Variants in EPS8L1 observed in about 807,000 individuals in gnomAD.
EPS8L1 encodes the protein EPS8 signaling adaptor L1.
Under a neutral mutation model 91.7 loss-of-function variants are expected in EPS8L1, and 101 were observed. The observed-to-expected ratio is 1.10, with a 90% confidence interval of 0.94 to 1.30. EPS8L1 has a LOEUF of 1.30. EPS8L1 is among the 50% of genes most tolerant of loss of function. The probability of loss-of-function intolerance (pLI) is 0.00; values close to 1 mark genes in which losing one functional copy is unlikely to be tolerated. For synonymous variants in EPS8L1, 506 were observed against 445.3 expected (o/e 1.14, Z -1.72); for missense variants, 1,114 against 1,017.0 (o/e 1.10, Z -1.30).
intron 4 of EPS8L1, chr19:55,079,454 C>G (rs1330003929): frequency 1.2e-5 from 7 of 600,034 alleles, no homozygotes; most frequent in Admixed American, 3.1e-5. Context: ...CAGACTCCTT[C>G]CCTGCCCGCA....
chr19:55,087,558 G>C lies in EPS8L1; in HGVS notation c.2116G>C (p.Val706Leu). Residue 706 changes from valine (V) to leucine (L), a missense_variant, in exon 20 of 20, where the codon GTG becomes CTG. Coordinates refer to ENST00000201647, the MANE Select transcript of EPS8L1 (RefSeq NM_133180.3). Reference protein sequence around the residue: ...DKEKVSELEAVMEKQKKKVEG... With the variant: ...DKEKVSELEALMEKQKKKVEG... ...AGAGAAAGTGTCAGAGCTGGAGGCAGTGATGGAGAAGCAAAAGAAGAAGGT... is the reference window on the plus strand; with the variant it reads ...AGAGAAAGTGTCAGAGCTGGAGGCACTGATGGAGAAGCAAAAGAAGAAGGT... 1 of 1,614,210 alleles carries C rather than the reference G, an allele frequency of 6.2e-7. No individual in the cohort carries two copies. The highest frequency in any genetic ancestry group is 1.3e-5 in the African/African-American group (1 of 75,060).
In EPS8L1 at chr19:55,081,427, T is replaced by C. The variant is rs767848686; in HGVS notation, c.709T>C (p.Ser237Pro). ...EPVGTSSNAD[S>P]ASPDLGPRGP... ...GGTGGGGACCTCGAGCAACGCTGAC[T>C]CGGCCTCCCCGGACCTGGGTCCCCG... Residue 237 changes from serine (S) to proline (P), a missense_variant, in exon 8 of 20, where the codon TCG (serine) becomes CCG (proline). Physicochemically the swap from Ser to Pro is moderately conservative, Grantham distance 74 (BLOSUM62 -1). Transcript: ENST00000201647. This position sits in a 1 kb window ranked among gnomAD's most constrained non-coding sequence, Gnocchi z 4.9. 12 of 1,601,444 alleles carry C rather than the reference T, an allele frequency of 7.5e-6. No individual in the cohort carries two copies. The highest frequency in any genetic ancestry group is 1.0e-5 in the Non-Finnish European group (12 of 1,175,374).
chr19:55,084,229 T>C (rs918172931), intron 14 of EPS8L1: 1 of 169,662 alleles, frequency 5.9e-6, no homozygotes, highest in Non-Finnish European at 1.3e-5. Context: ...CTCTTGGTTT[T>C]CCAGAGGCTC....
rs2076367176 is a variant in EPS8L1, at chr19:55,087,600, A to G, written c.2158A>G (p.Met720Val). ...GAAGAAGGTGGAAGGCGAGGTGGAA[A>G]TGGAGGTCATTTGACCTGCCAGGCG... is the stretch of plus-strand genomic sequence containing the variant. ...QKKKVEGEVE[M>V]EVI Residue 720 changes from methionine (M) to valine (V), a missense_variant, in exon 20 of 20, where the codon ATG becomes GTG. Physicochemically the swap from Met to Val is conservative, Grantham distance 21. Transcript: ENST00000201647. The G allele has an allele frequency of 1.2e-6, 2 of 1,614,142 alleles. No individual in the cohort carries two copies. The highest frequency in any genetic ancestry group is 4.5e-5 in the East Asian group (2 of 44,884).
chr19:55,078,019 C>T, intron 2 of EPS8L1, 69 bp from the exon 3 acceptor site: 1 of 1,472,952 alleles, frequency 6.8e-7, no homozygotes, highest in South Asian at 1.2e-5. Flanking sequence ...CCCTTGCTGC[C>T]CTGCTTGGCA....
rs1167642021 is a variant in EPS8L1, at chr19:55,081,636, G to A, written c.775-137G>A. 5 of 507,560 alleles carry A rather than the reference G, an allele frequency of 9.9e-6. No individual in the cohort carries two copies. Among genetic ancestry groups the A allele is most frequent in the East Asian group, 6.0e-5 (1 of 16,770 alleles). The allele number at this position is 507,560 out of a possible 1,614,324, so 31.4% of individuals were successfully genotyped here. A position where few individuals can be genotyped will look rare whatever the true frequency, so the allele number is the denominator to read the frequency against. On this transcript the variant is annotated intron_variant, in intron 8 of 19. Transcript: ENST00000201647. The surrounding 1 kb of genome is among the most constrained non-coding windows in gnomAD (Gnocchi z 4.9). Reference sequence around the variant, plus strand: ...GAAGAGGGGCTGGGTCGGGGGCGGGGCTTGGTTGTGGGGCGTGGCCAGGTG... The same window carrying A: ...GAAGAGGGGCTGGGTCGGGGGCGGGACTTGGTTGTGGGGCGTGGCCAGGTG...
rs745367682 is a variant in EPS8L1 at position 55,086,449 on chromosome 19, C to CGGCCCCGCTGGGACA, written c.1725_1739dup (p.Arg575_Asp579dup). On this transcript the variant is annotated inframe_insertion, in exon 17 of 20. Transcript: ENST00000201647. The stretch of plus-strand genomic sequence containing the variant: ...CCCGGCCCCACCTCCAGCTCTGGCT[C>CGGCCCCGCTGGGACA]GGCCCCGCTGGGACAGGCCCCGCTG... The CGGCCCCGCTGGGACA allele has an allele frequency of 4.8e-5, 75 of 1,553,526 alleles. No homozygotes were observed. Among genetic ancestry groups the CGGCCCCGCTGGGACA allele is most frequent in the African/African-American group, 1.9e-4 (14 of 73,378 alleles).
chr19:55,085,791 G>A (rs1383564635), intron 14 of EPS8L1, 50 bp from the exon 15 acceptor site: 3 of 1,585,678 alleles, frequency 1.9e-6, no homozygotes, highest in South Asian at 1.1e-5. Context: ...GCAGCCCAGA[G>A]CAATGGGGCT....
At position 55,082,121 on chromosome 19, in the gene EPS8L1, C is replaced by A. The variant is rs148596546; in HGVS notation, c.931C>A (p.Pro311Thr). ...EGLLTLRAKP[P>T]SEAEYTDVLQ... ...CTTGCTGACGCTGCGGGCCAAGCCG[C>A]CCTCGGAGGCCGAGTACACCGACGT... is the stretch of plus-strand genomic sequence containing the variant. Residue 311 changes from proline (P) to threonine (T), a missense_variant, in exon 10 of 20, where the codon CCC (proline) becomes ACC (threonine). Pro to Thr is a conservative substitution (Grantham distance 38). Transcript: ENST00000201647. 6.2e-7 allele frequency: 1 copy of A among 1,601,926 alleles called. No homozygotes were observed. The highest frequency in any genetic ancestry group is 8.5e-7 in the Non-Finnish European group (1 of 1,174,828).
intron 2 of EPS8L1, among the ~76,000 whole-genome samples, chr19:55,076,838 T>C (rs2076143415): frequency 6.6e-6 from 1 of 152,218 alleles, no homozygotes; most frequent in Non-Finnish European, 1.5e-5. Flanking sequence ...GCTCAACTCA[T>C]AGGAGTCGCT....
intron 2 of EPS8L1, 152 bp from the exon 3 acceptor site, chr19:55,077,936 A>C (rs2076163840): frequency 5.9e-6 from 1 of 169,222 alleles, no homozygotes; most frequent in Admixed American, 1.0e-4. Flanking sequence ...CCTGCTCAAT[A>C]ATAATAATAA....
chr19:55,083,622 G>T lies in EPS8L1; in HGVS notation c.1363G>T (p.Ala455Ser). 1 of 1,596,036 alleles carries T rather than the reference G, an allele frequency of 6.3e-7. No homozygotes were observed. Among genetic ancestry groups the T allele is most frequent in the Non-Finnish European group, 8.5e-7 (1 of 1,171,870 alleles). Reference protein sequence around the residue: ...QHERRRRQQSAPQVAVNGHRD... With the variant: ...QHERRRRQQSSPQVAVNGHRD... Reference sequence around the variant, plus strand: ...ACTGTCTTACTTCCTACAGCAAAGCGCCCCCCAGGTCGCTGTCAATGGGTG... The same window carrying T: ...ACTGTCTTACTTCCTACAGCAAAGCTCCCCCCAGGTCGCTGTCAATGGGTG... The change falls in exon 14 of 20, where the codon GCC (alanine) becomes TCC (serine). Residue 455 changes from alanine to serine, a missense_variant. By Grantham distance (99) the Ala-to-Ser change is moderately conservative (BLOSUM62 1). Coordinates refer to ENST00000201647, the MANE Select transcript of EPS8L1 (RefSeq NM_133180.3). The surrounding 1 kb of genome is among the most constrained non-coding windows in gnomAD (Gnocchi z 4.7).
chr19:55,079,498 G>A (rs1393375384), intron 4 of EPS8L1, 192 bp from the exon 5 acceptor site: 9 of 664,706 alleles, frequency 1.4e-5, no homozygotes, highest in Non-Finnish European at 2.0e-5. Flanking sequence ...CCAGACTCAG[G>A]TGCTAGTCAC....
Position 55,082,550 on chromosome 19 carries a change from C to T in EPS8L1, c.1162C>T (p.Pro388Ser). ...AVALLRDNVT[P>S]RENELWTSLG... ...GGCGCTGCTGCGGGACAACGTCACT[C>T]CACGTGAAAACGAGCTCTGGACCTC... Residue 388 changes from proline to serine, a missense_variant, in exon 12 of 20, where the codon CCA (proline) becomes TCA (serine). Physicochemically the swap from Pro to Ser is moderately conservative, Grantham distance 74. Coordinates refer to ENST00000201647, the MANE Select transcript of EPS8L1 (RefSeq NM_133180.3). 6.2e-7 allele frequency: 1 copy of T among 1,604,236 alleles called. No individual in the cohort carries two copies.
At chr19:55,084,756 C>CTT (rs1318110009) in intron 14 of EPS8L1, 1 of 152,224 alleles carries the variant, frequency 6.6e-6, no homozygotes, top group Non-Finnish European at 1.5e-5. Flanking sequence ...CTTCAAGTCA[C>CTT]TTTCTCCGAG....
At chr19:55,086,589 C>T (rs1422593072) in intron 17 of EPS8L1, 71 bp downstream of exon 17, 2 of 1,534,320 alleles carry the variant, frequency 1.3e-6, no homozygotes, top group African/African-American at 1.4e-5. Context: ...AACGGGGGCT[C>T]AGAAAGAGCA....
Position 55,083,649 on chromosome 19 carries a change from G to A in EPS8L1, c.1385+5G>A. 1 of 1,593,840 alleles carries A rather than the reference G, an allele frequency of 6.3e-7. No individual in the cohort carries two copies. ...CCCCCAGGTCGCTGTCAATGGGTGA[G>A]TGTCCGCCCCAGGGCAGGGCAAGGG... is the stretch of plus-strand genomic sequence containing the variant. On this transcript the variant is annotated splice_donor_5th_base_variant and intron_variant, in intron 14 of 19. Transcript: ENST00000201647. This position sits in a 1 kb window ranked among gnomAD's most constrained non-coding sequence, Gnocchi z 4.7.
intron 4 of EPS8L1, 39 bp downstream of exon 4, chr19:55,079,096 G>T (rs532919280): frequency 6.2e-7 from 1 of 1,606,602 alleles, no homozygotes; most frequent in East Asian, 2.2e-5. Context: ...ACATCTTCTG[G>T]GGCAAAGGTG....
Position 55,083,233 on chromosome 19 carries a change from A to C in EPS8L1, c.1215-145A>C. 9.1e-7 allele frequency: 1 copy of C among 1,095,188 alleles called. No homozygotes were observed. Among genetic ancestry groups the C allele is most frequent in the East Asian group, 2.4e-5 (1 of 40,920 alleles). The allele number at this position is 1,095,188 out of a possible 1,614,324, so 67.8% of individuals were successfully genotyped here. On this transcript the variant is annotated intron_variant, in intron 12 of 19. Coordinates refer to ENST00000201647, the MANE Select transcript of EPS8L1 (RefSeq NM_133180.3). The surrounding 1 kb of genome is among the most constrained non-coding windows in gnomAD (Gnocchi z 4.7). ...TTGCTGTTGAGTTGGGCTTAGAGCT[A>C]CCGGCAGGACTTGGTGAAAAGTGGC...
Sources: gnomAD v4.1 joint callset for allele counts (sites outside exome capture counted in the v4.1 genomes callset) on GRCh38, gnomAD v4.1.1 for gene constraint, Gnocchi (gnomAD v3.1) non-coding constraint, MANE v1.5 for transcripts, NCBI Gene and HGNC (gene_info 2026-07-23, HGNC 2026-07-21) for gene names.